AFAP1: variants seen among roughly 807,000 people sequenced by gnomAD.
AFAP1 encodes actin filament associated protein 1.
AFAP1 carries 75 observed loss-of-function variants against 93.9 expected under a neutral mutation model. That is an observed-to-expected ratio of 0.80 (90% confidence interval 0.66 to 0.97). AFAP1 has a LOEUF of 0.97. AFAP1 is among the 50% of genes least tolerant of loss of function. The pLI is 0.00. For synonymous variants in AFAP1, 517 were observed against 430.7 expected (o/e 1.20, Z -2.48); for missense variants, 1,201 against 1,050.8 (o/e 1.14, Z -1.98).
chr4:7,818,295 C>T (rs1172961805), intron 7 of AFAP1, among the ~76,000 whole-genome samples: 2 of 152,214 alleles, frequency 1.3e-5, no homozygotes, highest in Admixed American at 1.3e-4. Context: ...GACTTGCAGG[C>T]TCCATAATCA....
chr4:7,851,006 T>C (rs1437503858), intron 4 of AFAP1, among the ~76,000 whole-genome samples: 3 of 80,778 alleles, frequency 3.7e-5, no homozygotes, highest in African/African-American at 1.2e-4. Flanking sequence ...ATAAGTCTTC[T>C]ATCCCCATTG....
intron 3 of AFAP1, among the ~76,000 whole-genome samples, chr4:7,855,981 G>T (rs765243433): frequency 6.6e-6 from 1 of 152,118 alleles, no homozygotes; most frequent in South Asian, 2.1e-4. Context: ...GGCCTCAGAC[G>T]CAGACTCTGG....
chr4:7,939,506 C>T lies in AFAP1; in HGVS notation c.-3+150G>A. Reference sequence around the variant, plus strand: ...CGCGCGGGCCCACGCGGCGTCGCAGCAGGCGCGGAGCCCCCGGTACCACCC... The same window carrying T: ...CGCGCGGGCCCACGCGGCGTCGCAGTAGGCGCGGAGCCCCCGGTACCACCC... On this transcript the variant is annotated intron_variant, in intron 1 of 17. Transcript: ENST00000420658. The surrounding 1 kb of genome is among the most constrained non-coding windows in gnomAD (Gnocchi z 5.6). 1 of 330,820 alleles carries T rather than the reference C, an allele frequency of 3.0e-6. No individual in the cohort carries two copies. 20.5% of individuals were successfully genotyped at this position (330,820 alleles called of 1,614,324 possible). A position where few individuals can be genotyped will look rare whatever the true frequency, so the allele number is the denominator to read the frequency against.
intron 7 of AFAP1, 31 bp downstream of exon 7, chr4:7,819,045 C>T (rs756489348): frequency 5.2e-6 from 8 of 1,542,938 alleles, no homozygotes; most frequent in East Asian, 4.6e-5. Context: ...GCAAGGTCAC[C>T]GTCCCCACCC....
In AFAP1 at chr4:7,872,853, G is replaced by A. The variant is rs140240686; in HGVS notation, c.-2-773C>T. On this transcript the variant is annotated intron_variant, in intron 1 of 17. Transcript: ENST00000420658. ...GGTAAAACTGCTAGCATCTTAGCAC[G>A]AATCAAGGAAGTGACACCAAACTAT... 1.8e-3 allele frequency among the ~76,000 whole-genome samples: 267 copies of A among 145,364 alleles called. No homozygotes were observed. In the Middle Eastern group the frequency reaches 0.02, roughly 11 times the overall value.
intron 13 of AFAP1, 93 bp from the exon 14 acceptor site, chr4:7,778,969 C>T (rs1256615646): frequency 2.0e-6 from 2 of 986,040 alleles, no homozygotes; most frequent in African/African-American, 3.2e-5. Flanking sequence ...CTTTCAGTCT[C>T]TAAGTATTGT....
chr4:7,907,204 A>C (rs1214697110), intron 1 of AFAP1, among the ~76,000 whole-genome samples: 1 of 152,168 alleles, frequency 6.6e-6, no homozygotes, highest in East Asian at 1.9e-4. Flanking sequence ...TGTGACCTTA[A>C]CAATGCTTTT....
chr4:7,887,651 C>G lies in AFAP1; in HGVS notation c.-2-15571G>C, dbSNP rs1486269595. ...ATTACTATTTTAAGGATCAGCACTG[C>G]CAGCACTGCAAACTTAAACTCAGAA... On this transcript the variant is annotated intron_variant, in intron 1 of 17. Transcript: ENST00000420658. Among the ~76,000 whole-genome samples the G allele has an allele frequency of 2.6e-5, 4 of 152,162 alleles. No homozygotes were observed. The East Asian group carries it at 7.7e-4, about 29-fold the overall frequency.
At chr4:7,872,234 T>A in intron 1 of AFAP1, 154 bp from the exon 2 acceptor site, 1 of 903,826 alleles carries the variant, frequency 1.1e-6, no homozygotes, top group Non-Finnish European at 1.6e-6. Flanking sequence ...GCAGGTCCAC[T>A]AAAAGATTCA....
At chr4:7,881,350 T>G (rs28417050) in intron 1 of AFAP1, among the ~76,000 whole-genome samples, 1 of 151,798 alleles carries the variant, frequency 6.6e-6, no homozygotes, top group Non-Finnish European at 1.5e-5. Context: ...ATCACCTCCC[T>G]GACCTCTCCT....
intron 4 of AFAP1, among the ~76,000 whole-genome samples, chr4:7,850,926 T>C (rs951129611): frequency 4.6e-5 from 7 of 152,216 alleles, no homozygotes; most frequent in Non-Finnish European, 8.8e-5. Context: ...TGGCAGGTCC[T>C]ACCAGGTGCT....
rs58075483 is a variant in AFAP1, at chr4:7,827,569, C to CAAAAAAAAAAAAAAAAAAAAAAAA, written c.727-8399_727-8398insTTTTTTTTTTTTTTTTTTTTTTTT. Among the ~76,000 whole-genome samples the CAAAAAAAAAAAAAAAAAAAAAAAA allele has an allele frequency of 7.8e-4, 41 of 52,244 alleles. 4 individuals are homozygous for CAAAAAAAAAAAAAAAAAAAAAAAA. The highest frequency in any genetic ancestry group is 9.3e-4 in the Non-Finnish European group (27 of 29,146). 34.3% of individuals were successfully genotyped at this position (52,244 alleles called of 152,430 possible). A position where few individuals can be genotyped will look rare whatever the true frequency, so the allele number is the denominator to read the frequency against. On this transcript the variant is annotated intron_variant, in intron 6 of 17. Coordinates refer to ENST00000420658, the MANE Select transcript of AFAP1 (RefSeq NM_001134647.2). ...ATGAACAAGAGTGAAACTCTGTCTC[C>CAAAAAAAAAAAAAAAAAAAAAAAA]AAAAAAAAAAAAAAAAAAAAAGGGA...
At chr4:7,861,000 C>T (rs890633521) in intron 3 of AFAP1, among the ~76,000 whole-genome samples, 1 of 152,234 alleles carries the variant, frequency 6.6e-6, no homozygotes, top group African/African-American at 2.4e-5. Flanking sequence ...ACCCCTGCCC[C>T]ATCTGTTGCT....
chr4:7,903,225 G>C (rs1395060962), intron 1 of AFAP1, among the ~76,000 whole-genome samples: 1 of 152,200 alleles, frequency 6.6e-6, no homozygotes, highest in Non-Finnish European at 1.5e-5. Context: ...CTAGGTGCCA[G>C]GCACTGGTCA....
intron 1 of AFAP1, among the ~76,000 whole-genome samples, chr4:7,928,390 T>A (rs1305393252): frequency 6.6e-6 from 1 of 152,052 alleles, no homozygotes; most frequent in East Asian, 1.9e-4. Flanking sequence ...TAGGTTTTGT[T>A]TTTTTGGTTT....
intron 10 of AFAP1, among the ~76,000 whole-genome samples, chr4:7,797,563 C>G (rs1365199577): frequency 1.3e-5 from 2 of 152,192 alleles, no homozygotes; most frequent in African/African-American, 4.8e-5. Context: ...GAAAAGCAGT[C>G]TCCTTCCTAA....
chr4:7,829,032 T>A (rs1318630893), intron 6 of AFAP1, among the ~76,000 whole-genome samples: 1 of 152,186 alleles, frequency 6.6e-6, no homozygotes, highest in African/African-American at 2.4e-5. Flanking sequence ...ATCTGATGCT[T>A]TTATAAGGGG....
chr4:7,901,895 GC>G (rs1280928935), intron 1 of AFAP1, among the ~76,000 whole-genome samples: 1 of 152,030 alleles, frequency 6.6e-6, no homozygotes, highest in African/African-American at 2.4e-5. Flanking sequence ...CTGTTCTAAG[GC>G]TCACATCTTC....
chr4:7,879,502 A>G (rs1717718669), intron 1 of AFAP1, among the ~76,000 whole-genome samples: 1 of 152,136 alleles, frequency 6.6e-6, no homozygotes, highest in South Asian at 2.1e-4. Context: ...GGAATAAATC[A>G]CTGAATTCCA....
Sources: gnomAD v4.1 joint callset for allele counts (sites outside exome capture counted in the v4.1 genomes callset) on GRCh38, gnomAD v4.1.1 for gene constraint, Gnocchi (gnomAD v3.1) non-coding constraint, MANE v1.5 for transcripts, NCBI Gene and HGNC (gene_info 2026-07-23, HGNC 2026-07-21) for gene names.